The following EXOC2 variants were observed in gnomAD, a reference collection of about 807,000 sequenced individuals.
EXOC2 encodes the protein exocyst complex component 2.
In EXOC2, 70 loss-of-function variants were observed where a neutral mutation model predicts 131.8. That is an observed-to-expected ratio of 0.53 (90% CI 0.44 to 0.65). EXOC2 has a LOEUF of 0.65. Ranked by LOEUF, EXOC2 falls within the 30% of genes least tolerant of loss-of-function variation. The probability of loss-of-function intolerance (pLI) is 0.00; values close to 1 mark genes in which losing one functional copy is unlikely to be tolerated. For synonymous variants in EXOC2, 411 were observed against 398.4 expected, an observed-to-expected ratio of 1.03 and a Z score of -0.38; for missense variants, 923 against 1,108.6, an observed-to-expected ratio of 0.83 and a Z score of 2.38.
At chr6:674,069 A>G (rs1432431563) in intron 1 of EXOC2, among the ~76,000 whole-genome samples, 1 of 152,252 alleles carries the variant, frequency 6.6e-6, no homozygotes, top group Non-Finnish European at 1.5e-5. Context: ...ATCAAATTTT[A>G]TATTACGATG....
Position 645,238 on chromosome 6 carries a change from TA to T in EXOC2, c.-43-7378del, listed in dbSNP as rs536703571. 6.6e-3 allele frequency among the ~76,000 whole-genome samples: 801 copies of T among 121,492 alleles called. 2 individuals carry two copies. Among genetic ancestry groups the T allele is most frequent in the East Asian group, 0.036 (160 of 4,420 alleles). 79.7% of individuals were successfully genotyped at this position (121,492 alleles called of 152,430 possible). On this transcript the variant is annotated intron_variant, in intron 1 of 27. Transcript: ENST00000230449. Reference sequence around the variant, plus strand: ...GTGTTGAAAAAACTGGATAGCTACATAAAAAAAAAAAAAGGAATGTTAACTG... The same window carrying T: ...GTGTTGAAAAAACTGGATAGCTACATAAAAAAAAAAAAGGAATGTTAACTG...
chr6:499,069 A>C (rs1763893504), intron 24 of EXOC2, among the ~76,000 whole-genome samples: 1 of 152,208 alleles, frequency 6.6e-6, no homozygotes, highest in South Asian at 2.1e-4. Context: ...ACAAAGCTTA[A>C]GATGAAAGCG....
At chr6:620,002 AATC>A (rs760042882) in intron 4 of EXOC2, among the ~76,000 whole-genome samples, 1 of 152,234 alleles carries the variant, frequency 6.6e-6, no homozygotes. Flanking sequence ...CATACTAAGA[AATC>A]ATCAAAGTAC....
intron 13 of EXOC2, among the ~76,000 whole-genome samples, chr6:571,709 C>T (rs1758285886): frequency 2.0e-5 from 3 of 152,240 alleles, no homozygotes; most frequent in African/African-American, 7.2e-5. Context: ...GTAGCCTTTA[C>T]TCTCAGAAGA....
At chr6:681,719 T>C (rs969867036) in intron 1 of EXOC2, among the ~76,000 whole-genome samples, 2 of 152,210 alleles carry the variant, frequency 1.3e-5, no homozygotes, top group Non-Finnish European at 2.9e-5. Flanking sequence ...TAATGAAAAG[T>C]GCAAATAAAG....
intron 4 of EXOC2, among the ~76,000 whole-genome samples, chr6:622,642 C>T (rs1377400772): frequency 6.6e-6 from 1 of 152,142 alleles, no homozygotes; most frequent in Non-Finnish European, 1.5e-5. Context: ...CACACAGTCC[C>T]CATGGGTCTG....
chr6:574,094 C>T (rs1264407076), intron 12 of EXOC2, among the ~76,000 whole-genome samples: 1 of 152,182 alleles, frequency 6.6e-6, no homozygotes, highest in African/African-American at 2.4e-5. Flanking sequence ...CTGCCTTTCA[C>T]ATTTTTGACG....
chr6:663,951 GAGAA>G (rs1763525462), intron 1 of EXOC2, among the ~76,000 whole-genome samples: 1 of 152,168 alleles, frequency 6.6e-6, no homozygotes, highest in Non-Finnish European at 1.5e-5. Context: ...AATCAGACAA[GAGAA>G]AGAAAGGCAT....
intron 1 of EXOC2, among the ~76,000 whole-genome samples, chr6:639,869 G>A (rs551680593): frequency 3.3e-5 from 5 of 152,274 alleles, no homozygotes; most frequent in East Asian, 1.9e-4. Flanking sequence ...GCATGGACTC[G>A]CAGGAGCATG....
At chr6:533,365 A>C (rs183001396) in intron 22 of EXOC2, among the ~76,000 whole-genome samples, 3 of 152,366 alleles carry the variant, frequency 2.0e-5, no homozygotes, top group Admixed American at 2.0e-4. Context: ...ATTCATTTGA[A>C]AAGTGTGACC....
intron 1 of EXOC2, among the ~76,000 whole-genome samples, chr6:668,171 C>T (rs2127770613): frequency 6.6e-6 from 1 of 152,270 alleles, no homozygotes; most frequent in South Asian, 2.1e-4. Flanking sequence ...GTTCTCTGGG[C>T]TCCCAGGATC....
intron 22 of EXOC2, among the ~76,000 whole-genome samples, chr6:540,409 C>T (rs543689005): frequency 1.3e-5 from 2 of 152,338 alleles, no homozygotes; most frequent in African/African-American, 4.8e-5. Flanking sequence ...AACTTTACTG[C>T]TACCACTATC....
chr6:686,028 T>C (rs1409924358), intron 1 of EXOC2, among the ~76,000 whole-genome samples: 1 of 150,690 alleles, frequency 6.6e-6, no homozygotes, highest in Non-Finnish European at 1.5e-5. Flanking sequence ...TGAAGTGCAG[T>C]GGGGCTCACT....
At chr6:514,329 A>G (rs564092614) in intron 23 of EXOC2, among the ~76,000 whole-genome samples, 13 of 152,326 alleles carry the variant, frequency 8.5e-5, no homozygotes, top group Admixed American at 2.6e-4. Context: ...CTGCTTACTA[A>G]GAGAAGGTGG....
chr6:692,049 A>G (rs1023611246), intron 1 of EXOC2, among the ~76,000 whole-genome samples: 7 of 152,238 alleles, frequency 4.6e-5, no homozygotes, highest in Non-Finnish European at 1.5e-5. Flanking sequence ...ACATTCATAA[A>G]CAAAACATTA....
chr6:669,925 T>C (rs1763788778), intron 1 of EXOC2: 1 of 152,312 alleles, frequency 6.6e-6, no homozygotes, highest in South Asian at 2.1e-4. Flanking sequence ...AGTGCCTCTC[T>C]TACTGGGGTT....
intron 22 of EXOC2, among the ~76,000 whole-genome samples, chr6:548,259 A>G (rs967309303): frequency 2.6e-5 from 4 of 152,220 alleles, no homozygotes; most frequent in Non-Finnish European, 4.4e-5. Context: ...CTCTTTGAAA[A>G]AAAAATCCCA....
rs1169263018 is a variant in EXOC2, at chr6:485,513, T to TGACA, written c.*1154_*1157dup. The TGACA allele has an allele frequency of 6.6e-6, 1 of 152,188 alleles. No individual in the cohort carries two copies. Among genetic ancestry groups the TGACA allele is most frequent in the African/African-American group, 2.4e-5 (1 of 41,452 alleles). 9.4% of individuals were successfully genotyped at this position (152,188 alleles called of 1,614,324 possible). On this transcript the variant is annotated 3_prime_UTR_variant, in exon 28 of 28. Coordinates refer to ENST00000230449, the MANE Select transcript of EXOC2 (RefSeq NM_018303.6). ...TAACCATAGAAAAACTTGAAAACCC[T>TGACA]GACAAGCCGACTACAAAGAGAATTC...
At chr6:490,443 G>C (rs1047018548) in intron 26 of EXOC2, among the ~76,000 whole-genome samples, 1 of 152,206 alleles carries the variant, frequency 6.6e-6, no homozygotes, top group Non-Finnish European at 1.5e-5. Flanking sequence ...CGACGGGAAT[G>C]AAAGGCTAAC....
Sources: gnomAD v4.1 joint callset for allele counts (sites outside exome capture counted in the v4.1 genomes callset) on GRCh38, gnomAD v4.1.1 for gene constraint, MANE v1.5 for transcripts, NCBI Gene and HGNC (gene_info 2026-07-23, HGNC 2026-07-21) for gene names.